Variants in DEPDC5 observed in about 807,000 individuals in gnomAD.
The protein encoded by DEPDC5 is GATOR1 complex protein DEPDC5.
A neutral mutation model predicts 217.3 loss-of-function variants in DEPDC5; 73 were observed. That is an observed-to-expected ratio of 0.34 (90% CI 0.28 to 0.41). The LOEUF is 0.41. Among genes scored for constraint, DEPDC5 ranks in the 10% least tolerant of loss-of-function variants. DEPDC5 has a pLI of 1.00. For synonymous variants in DEPDC5, 733 were observed against 756.7 expected, an observed-to-expected ratio of 0.97 and a Z score of 0.51; for missense variants, 1,675 against 2,070.1, an observed-to-expected ratio of 0.81 and a Z score of 3.70.
At chr22:31,787,545 A>G (rs1441967341) in intron 10 of DEPDC5, among the ~76,000 whole-genome samples, 1 of 152,138 alleles carries the variant, frequency 6.6e-6, no homozygotes, top group African/African-American at 2.4e-5. Context: ...GCTGGCTCAC[A>G]CCTTTAATCC....
At chr22:31,847,515 G>A (rs1194306742) in intron 31 of DEPDC5, among the ~76,000 whole-genome samples, 1 of 152,184 alleles carries the variant, frequency 6.6e-6, no homozygotes, top group African/African-American at 2.4e-5. Flanking sequence ...GGCAGAAAGG[G>A]AAGCAAACAC....
At chr22:31,776,040 CAA>C (rs753480175) in intron 7 of DEPDC5, among the ~76,000 whole-genome samples, 9 of 46,966 alleles carry the variant, frequency 1.9e-4, no homozygotes, top group Admixed American at 6.9e-4. Context: ...GACTACATCT[CAA>C]AAAAAAAAAA....
At chr22:31,868,330 TC>T (rs1404307876) in intron 33 of DEPDC5, among the ~76,000 whole-genome samples, 1 of 152,212 alleles carries the variant, frequency 6.6e-6, no homozygotes, top group African/African-American at 2.4e-5. Flanking sequence ...CTTCTGAACA[TC>T]CAGCAATGCA....
chr22:31,815,148 G>A lies in DEPDC5; in HGVS notation c.1602G>A (p.Met534Ile). Reference sequence around the variant, plus strand: ...TAGGCAAGAGTGCCAACATCCTGATGATCCCACACCCCCACCTGCACCAGT... The same window carrying A: ...TAGGCAAGAGTGCCAACATCCTGATAATCCCACACCCCCACCTGCACCAGT... ...SSLGKSANIL[M>I]IPHPHLHQYE... Residue 534 changes from methionine to isoleucine, a missense_variant, in exon 21 of 43, where the codon ATG becomes ATA. This residue lies in a region of DEPDC5 where 628 missense variants were observed against 762.1 expected (regional missense o/e 0.82). Coordinates refer to ENST00000651528, the MANE Select transcript of DEPDC5 (RefSeq NM_001242896.3). 6.2e-7 allele frequency: 1 copy of A among 1,614,154 alleles called. No individual in the cohort carries two copies. Among genetic ancestry groups the A allele is most frequent in the Non-Finnish European group, 8.5e-7 (1 of 1,180,038 alleles).
intron 38 of DEPDC5, among the ~76,000 whole-genome samples, chr22:31,885,964 C>T (rs965344074): frequency 5.4e-5 from 8 of 149,496 alleles, no homozygotes; most frequent in African/African-American, 7.4e-5. Flanking sequence ...AATCGAGAGG[C>T]GGAGGTTGCA....
intron 24 of DEPDC5, among the ~76,000 whole-genome samples, chr22:31,830,372 G>A (rs2148896108): frequency 6.6e-6 from 1 of 152,366 alleles, no homozygotes; most frequent in Admixed American, 6.5e-5. Context: ...CCCAAATGTT[G>A]GGTTGGAGCA....
At chr22:31,870,045 T>C (rs1019939186) in intron 33 of DEPDC5, among the ~76,000 whole-genome samples, 8 of 152,176 alleles carry the variant, frequency 5.3e-5, no homozygotes, top group Admixed American at 3.9e-4. Context: ...AGAAGAGAGC[T>C]ATCAGATGGC....
chr22:31,883,500 G>A (rs1237045732), intron 38 of DEPDC5, among the ~76,000 whole-genome samples: 2 of 152,156 alleles, frequency 1.3e-5, no homozygotes, highest in African/African-American at 4.8e-5. Flanking sequence ...GCTGTGGTGC[G>A]ATGGTAATAA....
chr22:31,785,656 T>G (rs2084910507), intron 10 of DEPDC5, among the ~76,000 whole-genome samples: 1 of 151,894 alleles, frequency 6.6e-6, no homozygotes, highest in South Asian at 2.1e-4. Context: ...TAAAACAATC[T>G]TGTAAAAGGG....
Position 31,908,018 on chromosome 22 carries a change from G to T in DEPDC5, c.*1521G>T, listed in dbSNP as rs1450797865. On this transcript the variant is annotated 3_prime_UTR_variant, in exon 43 of 43. Coordinates refer to ENST00000651528, the MANE Select transcript of DEPDC5 (RefSeq NM_001242896.3). Reference sequence around the variant, plus strand: ...CAGTCAGTCTTTTTATAAAACCACTGTGATTTTGCCCACCACTTAACTAGA... The same window carrying T: ...CAGTCAGTCTTTTTATAAAACCACTTTGATTTTGCCCACCACTTAACTAGA... 1 of 152,248 alleles carries T rather than the reference G, an allele frequency of 6.6e-6. No individual in the cohort carries two copies. The highest frequency in any genetic ancestry group is 2.4e-5 in the African/African-American group (1 of 41,466). The allele number at this position is 152,248 out of a possible 1,614,324, so 9.4% of individuals were successfully genotyped here. A position where few individuals can be genotyped will look rare whatever the true frequency, so the allele number is the denominator to read the frequency against.
chr22:31,825,125 T>C (rs2090043033), intron 24 of DEPDC5, among the ~76,000 whole-genome samples: 1 of 152,158 alleles, frequency 6.6e-6, no homozygotes, highest in Non-Finnish European at 1.5e-5. Context: ...CTGGGACTCA[T>C]TTGACTATAC....
At chr22:31,801,478 G>A (rs983479405) in intron 14 of DEPDC5, among the ~76,000 whole-genome samples, 10 of 152,094 alleles carry the variant, frequency 6.6e-5, no homozygotes, top group African/African-American at 2.4e-4. Context: ...TGTGTTAGCC[G>A]AAATATATTG....
intron 19 of DEPDC5, among the ~76,000 whole-genome samples, chr22:31,809,991 G>A (rs1034623831): frequency 9.2e-5 from 14 of 151,746 alleles, no homozygotes; most frequent in Non-Finnish European, 1.9e-4. Context: ...CAAAAAAAAA[G>A]AGCATCAGCT....
At chr22:31,889,322 C>T (rs571142162) in intron 38 of DEPDC5, among the ~76,000 whole-genome samples, 30 of 152,306 alleles carry the variant, frequency 2.0e-4, no homozygotes, top group African/African-American at 6.5e-4. Context: ...CCAAATCTAT[C>T]CCCAAAGTAC....
At chr22:31,775,239 G>A (rs1035508907) in intron 7 of DEPDC5, among the ~76,000 whole-genome samples, 1 of 151,782 alleles carries the variant, frequency 6.6e-6, no homozygotes, top group African/African-American at 2.4e-5. Flanking sequence ...GAGTGCAATG[G>A]TGCGATCTGA....
At chr22:31,863,773 A>C (rs572943145) in intron 33 of DEPDC5, among the ~76,000 whole-genome samples, 1 of 152,262 alleles carries the variant, frequency 6.6e-6, no homozygotes, top group Admixed American at 6.5e-5. Flanking sequence ...AAATACAAAA[A>C]TTAGACCGGG....
intron 4 of DEPDC5, among the ~76,000 whole-genome samples, chr22:31,764,542 A>G (rs1206701617): frequency 1.3e-5 from 2 of 151,878 alleles, no homozygotes; most frequent in East Asian, 1.9e-4. Context: ...CAGCCTCCCA[A>G]GTAGCTTGGA....
chr22:31,799,107 G>A (rs1031467918), intron 14 of DEPDC5, among the ~76,000 whole-genome samples: 4 of 149,946 alleles, frequency 2.7e-5, no homozygotes, highest in African/African-American at 4.9e-5. Flanking sequence ...GCAGTGATGC[G>A]ATCTTGGCTC....
chr22:31,802,894 T>G, intron 15 of DEPDC5, 56 bp downstream of exon 15: 1 of 1,497,860 alleles, frequency 6.7e-7, no homozygotes, highest in African/African-American at 1.4e-5. Flanking sequence ...GATTTCCCCT[T>G]AGAACTGTGA....
Sources: gnomAD v4.1 joint callset for allele counts (sites outside exome capture counted in the v4.1 genomes callset) on GRCh38, gnomAD v4.1.1 for gene constraint, gnomAD v4.1.1 regional missense constraint, MANE v1.5 for transcripts, NCBI Gene and HGNC (gene_info 2026-07-23, HGNC 2026-07-21) for gene names.